Variants in FHIT observed in about 807,000 individuals in gnomAD.
FHIT encodes bis(5'-adenosyl)-triphosphatase.
Under a neutral mutation model 17.9 loss-of-function variants are expected in FHIT, and 19 were observed. The observed-to-expected ratio is 1.06, with a 90% CI of 0.74 to 1.56. The LOEUF (loss-of-function observed/expected upper bound fraction) is 1.56. FHIT is among the 40% of genes most tolerant of loss of function. The pLI is 0.00. For missense variants in FHIT, 248 were observed against 189.2 expected (o/e 1.31, Z -1.82); for synonymous variants, 81 against 69.7 (o/e 1.16, Z -0.81).
At chr3:61,181,689 G>A (rs1271115293) in intron 2 of FHIT, among the ~76,000 whole-genome samples, 1 of 152,158 alleles carries the variant, frequency 6.6e-6, no homozygotes, top group Non-Finnish European at 1.5e-5. Context: ...TCTAATGCTA[G>A]CAAGCCCCTG....
At chr3:60,520,205 C>T (rs2035307131) in intron 5 of FHIT, among the ~76,000 whole-genome samples, 1 of 152,002 alleles carries the variant, frequency 6.6e-6, no homozygotes, top group East Asian at 1.9e-4. Flanking sequence ...ATATTAATGA[C>T]ATACATTTAT....
chr3:60,443,195 G>A (rs1042209265), intron 5 of FHIT, among the ~76,000 whole-genome samples: 3 of 152,130 alleles, frequency 2.0e-5, no homozygotes, highest in African/African-American at 7.2e-5. Flanking sequence ...GGGTTTTCTA[G>A]ATATACAATC....
At chr3:61,140,243 A>G (rs2037041668) in intron 2 of FHIT, among the ~76,000 whole-genome samples, 1 of 152,156 alleles carries the variant, frequency 6.6e-6, no homozygotes, top group South Asian at 2.1e-4. Context: ...CTTAATAAAC[A>G]ATGAATATGA....
chr3:60,971,674 A>G (rs1240977052), intron 3 of FHIT, among the ~76,000 whole-genome samples: 2 of 152,210 alleles, frequency 1.3e-5, no homozygotes, highest in East Asian at 3.8e-4. Context: ...AGTTAGATCT[A>G]GAGGCATGCA....
intron 5 of FHIT, among the ~76,000 whole-genome samples, chr3:60,082,978 A>G (rs1337694449): frequency 6.6e-6 from 1 of 152,044 alleles, no homozygotes; most frequent in Non-Finnish European, 1.5e-5. Context: ...ATTAGGCCCT[A>G]CTTGTTAAAT....
intron 5 of FHIT, among the ~76,000 whole-genome samples, chr3:60,253,870 T>A (rs956253719): frequency 6.6e-6 from 1 of 152,228 alleles, no homozygotes; most frequent in African/African-American, 2.4e-5. Context: ...AAGAATTAAA[T>A]ATATTTGATT....
intron 3 of FHIT, among the ~76,000 whole-genome samples, chr3:60,864,818 T>C (rs1250388541): frequency 1.3e-5 from 2 of 152,132 alleles, no homozygotes; most frequent in African/African-American, 4.8e-5. Context: ...ACAAGTATAA[T>C]GACACTTATT....
chr3:61,075,689 A>G (rs7636568), intron 2 of FHIT, among the ~76,000 whole-genome samples: 12,030 of 152,094 alleles, frequency 0.079, 565 homozygotes, highest in African/African-American at 0.12. Flanking sequence ...AGCACTCCAT[A>G]TACATTTTAA....
chr3:60,392,069 A>G (rs1466456363), intron 5 of FHIT, among the ~76,000 whole-genome samples: 1 of 152,168 alleles, frequency 6.6e-6, no homozygotes, highest in Non-Finnish European at 1.5e-5. Context: ...TAAGTTCATC[A>G]AAATATATGT....
intron 5 of FHIT, among the ~76,000 whole-genome samples, chr3:60,522,202 C>T (rs970931731): frequency 1.3e-5 from 2 of 151,792 alleles, no homozygotes; most frequent in East Asian, 3.9e-4. Flanking sequence ...TTCTGCCCCC[C>T]TGAGTTCAAG....
intron 5 of FHIT, among the ~76,000 whole-genome samples, chr3:60,215,794 C>T (rs1703670191): frequency 6.6e-6 from 1 of 152,104 alleles, no homozygotes. Flanking sequence ...CTTCCGTACA[C>T]AAAACATGTA....
At chr3:60,244,879 A>G (rs1220279676) in intron 5 of FHIT, among the ~76,000 whole-genome samples, 3 of 152,138 alleles carry the variant, frequency 2.0e-5, no homozygotes, top group African/African-American at 7.2e-5. Flanking sequence ...ATCTCAAAAG[A>G]ACAAATTATT....
intron 4 of FHIT, among the ~76,000 whole-genome samples, chr3:60,631,052 A>T (rs545595606): frequency 6.6e-6 from 1 of 152,022 alleles, no homozygotes; most frequent in South Asian, 2.1e-4. Flanking sequence ...GCTAAGTTTC[A>T]AAGAGGAGGC....
chr3:60,508,923 A>G (rs1472804190), intron 5 of FHIT, among the ~76,000 whole-genome samples: 16 of 152,168 alleles, frequency 1.1e-4, no homozygotes, highest in Admixed American at 9.2e-4. Context: ...CTGATGAAGT[A>G]AAGACGAACG....
At chr3:59,751,219 G>A (rs1700878532) in intron 9 of FHIT, 1 of 121,048 alleles carries the variant, frequency 8.3e-6, no homozygotes, top group Non-Finnish European at 1.6e-5. Context: ...AAATTTCAGA[G>A]AGATAGATAC....
intron 4 of FHIT, among the ~76,000 whole-genome samples, chr3:60,766,743 G>C (rs1699867581): frequency 6.6e-6 from 1 of 152,182 alleles, no homozygotes; most frequent in African/African-American, 2.4e-5. Flanking sequence ...GTTGAAAACA[G>C]ATCTTTCTCC....
intron 2 of FHIT, among the ~76,000 whole-genome samples, chr3:61,059,372 CTTTTTTTT>C (rs201797361): frequency 0.18 from 20,060 of 113,810 alleles, 1,431 homozygotes; most frequent in Middle Eastern, 0.3. Context: ...TTGCTTTTTC[CTTTTTTTT>C]TTTTTTTTTT....
chr3:60,319,547 A>C (rs1709324028), intron 5 of FHIT, among the ~76,000 whole-genome samples: 1 of 152,188 alleles, frequency 6.6e-6, no homozygotes, highest in African/African-American at 2.4e-5. Flanking sequence ...ATTCACATTA[A>C]GGTGGGACCA....
rs140247572 is a variant in FHIT, at chr3:60,269,582, A to C, written c.104-255430T>G. 2.4e-3 allele frequency among the ~76,000 whole-genome samples: 366 copies of C among 152,358 alleles called. 1 individual carries two copies. Among genetic ancestry groups the C allele is most frequent in the African/African-American group, 8.5e-3 (352 of 41,594 alleles). On this transcript the variant is annotated intron_variant, in intron 5 of 9. Coordinates refer to ENST00000492590, the MANE Select transcript of FHIT (RefSeq NM_002012.4). ...TGACTTAAACACAAAAATTTTAAAA[A>C]TGTGGGAGTGCAAAGAAATATCTTT... is the stretch of plus-strand genomic sequence containing the variant.
Sources: allele counts gnomAD v4.1 joint callset (sites outside exome capture counted in the v4.1 genomes callset), GRCh38; gene constraint gnomAD v4.1.1; transcripts MANE v1.5; gene names NCBI Gene and HGNC (gene_info 2026-07-23, HGNC 2026-07-21).